Variants in GNG4 observed in about 807,000 individuals in gnomAD.
GNG4 encodes G protein subunit gamma 4.
GNG4 carries 4 observed loss-of-function variants against 5.8 expected under a neutral mutation model. That is an observed-to-expected ratio of 0.69 (90% CI 0.34 to 1.57). GNG4 has a LOEUF of 1.57. Ranked by LOEUF, GNG4 falls within the 40% of genes most tolerant of loss-of-function variation. The probability of loss-of-function intolerance (pLI) is 0.06; values close to 1 mark genes in which losing one functional copy is unlikely to be tolerated. For missense variants in GNG4, 96 were observed against 95.1 expected (o/e 1.01, Z -0.04); for synonymous variants, 29 against 32.9 (o/e 0.88, Z 0.41).
chr1:235,597,630 A>ATTTT (rs746989867), intron 1 of GNG4, among the ~76,000 whole-genome samples: 1 of 35,582 alleles, frequency 2.8e-5, no homozygotes, highest in African/African-American at 9.3e-5. Flanking sequence ...GTGTGTGTGT[A>ATTTT]TTTTTTTTTT....
chr1:235,552,109 T>C lies in GNG4; in HGVS notation c.228A>G (p.Ter76=). The C allele has an allele frequency of 6.2e-7, 1 of 1,613,446 alleles. No individual in the cohort carries two copies. Among genetic ancestry groups the C allele is most frequent in the Non-Finnish European group, 8.5e-7 (1 of 1,179,604 alleles). The change falls in exon 4 of 4, where the codon TAA becomes TAG. Residue 76 remains the stop codon, a stop_retained_variant. Coordinates refer to ENST00000391854, the MANE Select transcript of GNG4 (RefSeq NM_001098722.2). ...REKKFFCTIL[*] ...GGAGGCGTTTTCATCACACACGGAG[T>C]TAGAGAATGGTACAAAAGAACTTCT... is the stretch of plus-strand genomic sequence containing the variant.
At position 235,605,592 on chromosome 1, in the gene GNG4, C is replaced by T. The variant is rs16832726; in HGVS notation, c.-122-10081G>A. On this transcript the variant is annotated intron_variant, in intron 1 of 3. Transcript: ENST00000391854. ...GTAGAGGGGCCAAGAAGGAGATGAT[C>T]GATTCAGGTAAGGAGAAGGTTAGGA... 4.8e-3 allele frequency among the ~76,000 whole-genome samples: 732 copies of T among 152,174 alleles called. 4 individuals carry two copies. The highest frequency in any genetic ancestry group is 0.017 in the African/African-American group (708 of 41,498).
rs1483195715 is a variant in GNG4 at position 235,548,791 on chromosome 1, C to T, written c.*3318G>A. On this transcript the variant is annotated 3_prime_UTR_variant, in exon 4 of 4. Transcript: ENST00000391854. The stretch of plus-strand genomic sequence containing the variant: ...TGACAACTGTCCCCACAGCTGCACT[C>T]CACAATGCAAGCAGGCTTTATTCCA... The T allele has an allele frequency of 6.6e-6, 1 of 152,240 alleles. No individual in the cohort carries two copies. The highest frequency in any genetic ancestry group is 6.5e-5 in the Admixed American group (1 of 15,276). 9.4% of individuals were successfully genotyped at this position (152,240 alleles called of 1,614,324 possible).
At chr1:235,639,183 T>C (rs1657235346) in intron 1 of GNG4, among the ~76,000 whole-genome samples, 1 of 152,210 alleles carries the variant, frequency 6.6e-6, no homozygotes, top group African/African-American at 2.4e-5. Flanking sequence ...GTTAATCACA[T>C]CTGCAAAATC....
intron 3 of GNG4, among the ~76,000 whole-genome samples, chr1:235,569,470 A>AAAG: frequency 6.6e-6 from 1 of 150,976 alleles, no homozygotes; most frequent in South Asian, 2.1e-4. Flanking sequence ...AAAAAAAAAA[A>AAAG]GAATGTAATC....
intron 2 of GNG4, among the ~76,000 whole-genome samples, chr1:235,585,265 A>T (rs186203571): frequency 1.4e-3 from 194 of 138,862 alleles, no homozygotes; most frequent in African/African-American, 5.0e-3. Context: ...TCTTTTTGAG[A>T]TAGGGTCTCT....
At chr1:235,563,344 T>A (rs1687114361) in intron 3 of GNG4, among the ~76,000 whole-genome samples, 1 of 137,222 alleles carries the variant, frequency 7.3e-6, no homozygotes, top group Non-Finnish European at 1.5e-5. Context: ...AGGCAGAGGT[T>A]GCAGTGAGCA....
intron 2 of GNG4, among the ~76,000 whole-genome samples, chr1:235,594,474 G>A (rs1046225901): frequency 6.6e-5 from 10 of 152,198 alleles, no homozygotes; most frequent in Admixed American, 3.3e-4. Context: ...TGGGTGCCAT[G>A]GAGCAGGGGG....
intron 1 of GNG4, chr1:235,616,280 G>A (rs531798641): frequency 4.3e-6 from 2 of 460,930 alleles, no homozygotes; most frequent in Admixed American, 2.3e-5. Flanking sequence ...GGTCTGCCAA[G>A]AGGATGGGAG....
At chr1:235,630,306 C>T (rs923757300) in intron 1 of GNG4, among the ~76,000 whole-genome samples, 1 of 152,224 alleles carries the variant, frequency 6.6e-6, no homozygotes, top group African/African-American at 2.4e-5. Context: ...AAGGTCCCCA[C>T]ATTGTCAGCA....
At chr1:235,584,358 C>G (rs1000314115) in intron 2 of GNG4, among the ~76,000 whole-genome samples, 1 of 152,202 alleles carries the variant, frequency 6.6e-6, no homozygotes, top group Non-Finnish European at 1.5e-5. Flanking sequence ...AACTCAAACT[C>G]AAAGCTTTGA....
At chr1:235,589,660 A>T (rs1687912565) in intron 2 of GNG4, among the ~76,000 whole-genome samples, 1 of 152,118 alleles carries the variant, frequency 6.6e-6, no homozygotes, top group Non-Finnish European at 1.5e-5. Context: ...CATCAGGGGA[A>T]ATCTGCAGGG....
At chr1:235,610,298 C>T (rs562179145) in intron 1 of GNG4, among the ~76,000 whole-genome samples, 122 of 152,366 alleles carry the variant, frequency 8.0e-4, no homozygotes, top group Non-Finnish European at 1.5e-3. Flanking sequence ...CTGCATTCTT[C>T]TCATTGCATC....
intron 2 of GNG4, among the ~76,000 whole-genome samples, chr1:235,594,978 G>C (rs1366989085): frequency 6.6e-6 from 1 of 152,214 alleles, no homozygotes; most frequent in East Asian, 1.9e-4. Flanking sequence ...GGACCCAGCA[G>C]CTTAAACTGC....
At chr1:235,587,328 A>AGTGT (rs142695404) in intron 2 of GNG4, among the ~76,000 whole-genome samples, 29,276 of 50,110 alleles carry the variant, frequency 0.58, 8,377 homozygotes, top group African/African-American at 0.83. Context: ...TGTGTGTGAG[A>AGTGT]GTGTGAGAGC....
intron 2 of GNG4, among the ~76,000 whole-genome samples, chr1:235,594,468 T>C (rs2494888): frequency 0.59 from 89,042 of 151,978 alleles, 26,537 homozygotes; most frequent in East Asian, 0.79. Context: ...TGGGACTGGG[T>C]GCCATGGAGC....
At chr1:235,626,096 G>A (rs955670964) in intron 1 of GNG4, among the ~76,000 whole-genome samples, 3 of 152,146 alleles carry the variant, frequency 2.0e-5, no homozygotes, top group African/African-American at 7.2e-5. Context: ...CCCGCTTTGT[G>A]TATTCTCAGG....
chr1:235,554,251 C>T (rs1478564981), intron 3 of GNG4, among the ~76,000 whole-genome samples: 1 of 152,214 alleles, frequency 6.6e-6, no homozygotes, highest in Non-Finnish European at 1.5e-5. Flanking sequence ...CAAGTGCCCT[C>T]CCCAACTGCT....
At chr1:235,555,155 G>A (rs142022431) in intron 3 of GNG4, among the ~76,000 whole-genome samples, 4 of 152,228 alleles carry the variant, frequency 2.6e-5, no homozygotes, top group African/African-American at 7.2e-5. Context: ...ACACTTGCAC[G>A]CCACTGTGGA....
Sources: gnomAD v4.1 joint callset for allele counts (sites outside exome capture counted in the v4.1 genomes callset) on GRCh38, gnomAD v4.1.1 for gene constraint, MANE v1.5 for transcripts, NCBI Gene and HGNC (gene_info 2026-07-23, HGNC 2026-07-21) for gene names.